Variants in SULT1C4 observed in about 807,000 individuals in gnomAD.
The protein encoded by SULT1C4 is sulfotransferase family 1C member 4.
SULT1C4 carries 32 observed loss-of-function variants against 34.8 expected under a neutral mutation model. The observed-to-expected ratio is 0.92, with a 90% confidence interval of 0.69 to 1.23. The LOEUF is 1.23. Ranked by LOEUF, SULT1C4 falls within the 50% of genes most tolerant of loss-of-function variation. The probability of loss-of-function intolerance (pLI) is 0.00; values close to 1 mark genes in which losing one functional copy is unlikely to be tolerated. For missense variants in SULT1C4, 375 were observed against 365.9 expected, an observed-to-expected ratio of 1.02 and a Z score of -0.20; for synonymous variants, 111 against 120.5, an observed-to-expected ratio of 0.92 and a Z score of 0.51.
rs763426887 is a variant in SULT1C4, at chr2:108,381,777, A to G, written c.185A>G (p.Gln62Arg). Residue 62 changes from glutamine (Q) to arginine (R), a missense_variant, in exon 2 of 7, where the codon CAG (glutamine) becomes CGG (arginine). Physicochemically the swap from Gln to Arg is conservative, Grantham distance 43. Coordinates refer to ENST00000272452, the MANE Select transcript of SULT1C4 (RefSeq NM_006588.4). ...TGCACGTAAGGAACAACATGGACTC[A>G]GGAGATAGTGGAATTAATACAAAAT... ...TYPKAGTTWT[Q>R]EIVELIQNEG... 3 of 1,430,056 alleles carry G rather than the reference A, an allele frequency of 2.1e-6. No individual in the cohort carries two copies. The highest frequency in any genetic ancestry group is 2.6e-5 in the East Asian group (1 of 38,226). 88.6% of individuals were successfully genotyped at this position (1,430,056 alleles called of 1,614,324 possible). A position where few individuals can be genotyped will look rare whatever the true frequency, so the allele number is the denominator to read the frequency against.
chr2:108,387,197 C>A, intron 6 of SULT1C4, 123 bp from the exon 7 acceptor site: 1 of 667,738 alleles, frequency 1.5e-6, no homozygotes, highest in Non-Finnish European at 2.5e-6. Flanking sequence ...GCAAGAGAAA[C>A]GTTTTGTCCA....
At chr2:108,386,906 G>C (rs375217757) in intron 6 of SULT1C4, among the ~76,000 whole-genome samples, 2 of 152,316 alleles carry the variant, frequency 1.3e-5, no homozygotes, top group African/African-American at 4.8e-5. Context: ...GAGAATTTGT[G>C]GGGGGAGGTC....
chr2:108,387,261 T>G lies in SULT1C4; in HGVS notation c.797-59T>G, dbSNP rs11569690. Reference sequence around the variant, plus strand: ...AAATCATCATACAGAAACAGGAGAATAGGGAAGCACAGACTCTTCCAACAG... The same window carrying G: ...AAATCATCATACAGAAACAGGAGAAGAGGGAAGCACAGACTCTTCCAACAG... On this transcript the variant is annotated intron_variant, in intron 6 of 6. Coordinates refer to ENST00000272452, the MANE Select transcript of SULT1C4 (RefSeq NM_006588.4). 1.2e-3 allele frequency: 1,529 copies of G among 1,274,986 alleles called. 11 individuals carry two copies. In the African/African-American group the frequency reaches 0.016, roughly 13 times the overall value. 79.0% of individuals were successfully genotyped at this position (1,274,986 alleles called of 1,614,324 possible).
At chr2:108,385,901 C>G (rs1314364685) in intron 5 of SULT1C4, among the ~76,000 whole-genome samples, 1 of 152,190 alleles carries the variant, frequency 6.6e-6, no homozygotes, top group Non-Finnish European at 1.5e-5. Flanking sequence ...AACCCTGACA[C>G]ATTCCCTTAG....
rs1678570043 is a variant in SULT1C4, at chr2:108,386,356, T to C, written c.780T>C (p.Ser260=). ...CTGAAATCATGGACCACTCCATTTC[T>C]CCATTCATGAGAAAAGGTTTTTATA... ...IPAEIMDHSI[S]PFMRKGAVGD... The change falls in exon 6 of 7, where the codon TCT becomes TCC. Residue 260 remains serine (S), a synonymous_variant. Coordinates refer to ENST00000272452, the MANE Select transcript of SULT1C4 (RefSeq NM_006588.4). 6.7e-7 allele frequency: 1 copy of C among 1,497,364 alleles called. No homozygotes were observed. The highest frequency in any genetic ancestry group is 8.9e-7 in the Non-Finnish European group (1 of 1,121,764). The allele number at this position is 1,497,364 out of a possible 1,614,324, so 92.8% of individuals were successfully genotyped here.
At chr2:108,383,993 G>A (rs1213390992) in intron 5 of SULT1C4, among the ~76,000 whole-genome samples, 1 of 145,770 alleles carries the variant, frequency 6.9e-6, no homozygotes, top group African/African-American at 2.6e-5. Context: ...CTCAGCCTCC[G>A]GAGTAGTTGG....
chr2:108,388,860 G>A lies in SULT1C4; in HGVS notation c.*1428G>A, dbSNP rs1252212029. ...TTTCTACCTACCCAAGACATACCACGTGCTTCAATAACCAGTCCCTTCCTC... is the reference window on the plus strand; with the variant it reads ...TTTCTACCTACCCAAGACATACCACATGCTTCAATAACCAGTCCCTTCCTC... On this transcript the variant is annotated 3_prime_UTR_variant, in exon 7 of 7. Coordinates refer to ENST00000272452, the MANE Select transcript of SULT1C4 (RefSeq NM_006588.4). Among the ~76,000 whole-genome samples the A allele has an allele frequency of 3.9e-5, 6 of 152,078 alleles. No homozygotes were observed. Among genetic ancestry groups the A allele is most frequent in the South Asian group, 4.2e-4 (2 of 4,814 alleles).
At position 108,381,679 on chromosome 2, in the gene SULT1C4, G is replaced by C. The variant is rs1465067100; in HGVS notation, c.170-83G>C. 4 of 1,285,576 alleles carry C rather than the reference G, an allele frequency of 3.1e-6. No homozygotes were observed. In the African/African-American group the frequency reaches 6.1e-5, roughly 20 times the overall value. 79.6% of individuals were successfully genotyped at this position (1,285,576 alleles called of 1,614,324 possible). ...AAAACAAAACAAAACAAAAGACATAGATGTTCTAACAAGTATTTGATCATA... is the reference window on the plus strand; with the variant it reads ...AAAACAAAACAAAACAAAAGACATACATGTTCTAACAAGTATTTGATCATA... On this transcript the variant is annotated intron_variant, in intron 1 of 6. Coordinates refer to ENST00000272452, the MANE Select transcript of SULT1C4 (RefSeq NM_006588.4).
At chr2:108,385,417 T>C (rs1678541939) in intron 5 of SULT1C4, among the ~76,000 whole-genome samples, 1 of 152,208 alleles carries the variant, frequency 6.6e-6, no homozygotes, top group Non-Finnish European at 1.5e-5. Context: ...TCACTGTAGT[T>C]CCCACAAAGC....
chr2:108,383,955 G>T (rs544230559), intron 5 of SULT1C4, among the ~76,000 whole-genome samples: 1 of 151,376 alleles, frequency 6.6e-6, no homozygotes, highest in African/African-American at 2.4e-5. Context: ...TGCAAGCTCC[G>T]CCTCCCGGGT....
At position 108,383,114 on chromosome 2, in the gene SULT1C4, C is replaced by T; in HGVS notation, c.415C>T (p.Pro139Ser). 1 of 1,602,910 alleles carries T rather than the reference C, an allele frequency of 6.2e-7. No individual in the cohort carries two copies. Among genetic ancestry groups the T allele is most frequent in the Non-Finnish European group, 8.5e-7 (1 of 1,175,314 alleles). ...CCAGATAATCTATGTAGCAAGAAAT[C>T]CCAAGGACAACATGGTGTCCTATTA... is the stretch of plus-strand genomic sequence containing the variant. ...NCKIIYVARNPKDNMVSYYHF... is the reference protein window; with the variant it reads ...NCKIIYVARNSKDNMVSYYHF... The change falls in exon 4 of 7, where the codon CCC (proline) becomes TCC (serine). Residue 139 changes from proline (P) to serine (S), a missense_variant. By Grantham distance (74) the Pro-to-Ser change is moderately conservative. Coordinates refer to ENST00000272452, the MANE Select transcript of SULT1C4 (RefSeq NM_006588.4).
chr2:108,383,330 T>C (rs4149436), intron 4 of SULT1C4, 86 bp from the exon 5 acceptor site: 446,049 of 1,584,870 alleles, frequency 0.28, 78,591 homozygotes, highest in African/African-American at 0.85. Flanking sequence ...TAATGGAACA[T>C]TCTCACTTCT....
intron 1 of SULT1C4, among the ~76,000 whole-genome samples, chr2:108,380,809 C>A (rs1052542023): frequency 3.3e-5 from 5 of 152,196 alleles, no homozygotes; most frequent in Non-Finnish European, 7.3e-5. Flanking sequence ...CAGCCACCAC[C>A]TCAGGAAGGA....
chr2:108,384,322 C>T (rs1281926660), intron 5 of SULT1C4, among the ~76,000 whole-genome samples: 2 of 152,146 alleles, frequency 1.3e-5, no homozygotes, highest in Non-Finnish European at 2.9e-5. Context: ...GCTCCGCCTC[C>T]CGGGTTCACA....
chr2:108,384,583 T>A (rs1249311407), intron 5 of SULT1C4, among the ~76,000 whole-genome samples: 1 of 152,208 alleles, frequency 6.6e-6, no homozygotes, highest in Non-Finnish European at 1.5e-5. Flanking sequence ...TGATTTAGAT[T>A]CAAAATTATT....
Position 108,378,250 on chromosome 2 carries a change from G to A in SULT1C4, c.-88G>A. ...GGCTGGATAGTGTGGTAGTGTGGTG[G>A]ATAGAGTGCTGCCTCTATCCACAAC... On this transcript the variant is annotated 5_prime_UTR_variant, in exon 1 of 7. Transcript: ENST00000272452. The A allele has an allele frequency of 2.3e-6, 3 of 1,310,682 alleles. No homozygotes were observed. The highest frequency in any genetic ancestry group is 3.2e-6 in the Non-Finnish European group (3 of 933,248). The allele number at this position is 1,310,682 out of a possible 1,614,324, so 81.2% of individuals were successfully genotyped here. A position where few individuals can be genotyped will look rare whatever the true frequency, so the allele number is the denominator to read the frequency against.
chr2:108,381,053 G>A (rs532810206), intron 1 of SULT1C4, among the ~76,000 whole-genome samples: 1 of 152,220 alleles, frequency 6.6e-6, no homozygotes, highest in South Asian at 2.1e-4. Context: ...CAAATACTAA[G>A]TGTCTCCTAC....
intron 2 of SULT1C4, 78 bp from the exon 3 acceptor site, chr2:108,382,307 A>C: frequency 9.0e-7 from 1 of 1,113,442 alleles, no homozygotes; most frequent in Non-Finnish European, 1.4e-6. Flanking sequence ...TTGTAGTAGT[A>C]ATAATGGAAG....
In SULT1C4 at chr2:108,378,091, G is replaced by C. The variant is rs1436725672; in HGVS notation, c.-247G>C. 1 of 300,062 alleles carries C rather than the reference G, an allele frequency of 3.3e-6. No individual in the cohort carries two copies. The highest frequency in any genetic ancestry group is 6.1e-6 in the Non-Finnish European group (1 of 164,172). 18.6% of individuals were successfully genotyped at this position (300,062 alleles called of 1,614,324 possible). Reference sequence around the variant, plus strand: ...CTGTGACGCCACAGCCTGGTGAGGAGGGGGCTGCAGTTCCTCAGGAAACTG... The same window carrying C: ...CTGTGACGCCACAGCCTGGTGAGGACGGGGCTGCAGTTCCTCAGGAAACTG... On this transcript the variant is annotated 5_prime_UTR_variant, in exon 1 of 7. Coordinates refer to ENST00000272452, the MANE Select transcript of SULT1C4 (RefSeq NM_006588.4).
Sources: gnomAD v4.1 joint callset for allele counts (sites outside exome capture counted in the v4.1 genomes callset) on GRCh38, gnomAD v4.1.1 for gene constraint, MANE v1.5 for transcripts, NCBI Gene and HGNC (gene_info 2026-07-23, HGNC 2026-07-21) for gene names.